The following ANKRD17 variants were observed in gnomAD, a reference collection of about 807,000 sequenced individuals.
ANKRD17 encodes the protein ankyrin repeat domain 17.
ANKRD17 carries 19 observed loss-of-function variants against 229.7 expected under a neutral mutation model. The ratio of observed to expected loss-of-function variants is 0.08; its 90% CI spans 0.06 to 0.12. The LOEUF is 0.12. ANKRD17 is among the 10% of genes least tolerant of loss of function. The pLI is 1.00. For missense variants in ANKRD17, 2,176 were observed against 3,176.8 expected, an observed-to-expected ratio of 0.68 and a Z score of 7.57; for synonymous variants, 1,112 against 1,146.1, an observed-to-expected ratio of 0.97 and a Z score of 0.60.
intron 1 of ANKRD17, 80 bp from the exon 2 acceptor site, chr4:73,177,613 G>T: frequency 9.1e-7 from 1 of 1,103,130 alleles, no homozygotes; most frequent in Non-Finnish European, 1.3e-6. Context: ...TAAAAAGAAA[G>T]CAGGGGAGGG....
intron 2 of ANKRD17, among the ~76,000 whole-genome samples, chr4:73,176,587 G>A (rs376683874): frequency 1.3e-5 from 2 of 151,824 alleles, no homozygotes; most frequent in Non-Finnish European, 2.9e-5. Flanking sequence ...GGGGCAGTGG[G>A]GATGGTTAAT....
chr4:73,216,467 A>G (rs1311617748), intron 1 of ANKRD17, among the ~76,000 whole-genome samples: 1 of 152,158 alleles, frequency 6.6e-6, no homozygotes, highest in Non-Finnish European at 1.5e-5. Context: ...TGACGCTCAA[A>G]TTTTCCTGTC....
intron 1 of ANKRD17, among the ~76,000 whole-genome samples, chr4:73,249,504 T>C (rs953618637): frequency 3.3e-5 from 5 of 152,274 alleles, no homozygotes; most frequent in African/African-American, 1.2e-4. Flanking sequence ...GTACACATTA[T>C]GATTTTCTCT....
At chr4:73,183,732 G>C (rs1301977755) in intron 1 of ANKRD17, among the ~76,000 whole-genome samples, 1 of 152,056 alleles carries the variant, frequency 6.6e-6, no homozygotes, top group Non-Finnish European at 1.5e-5. Flanking sequence ...CAAAAGTGCT[G>C]GGATTACAGG....
intron 24 of ANKRD17, among the ~76,000 whole-genome samples, chr4:73,103,323 G>T (rs1171515491): frequency 6.6e-6 from 1 of 152,028 alleles, no homozygotes; most frequent in Non-Finnish European, 1.5e-5. Context: ...ATAAATAAAA[G>T]GGTAACAGAG....
intron 1 of ANKRD17, among the ~76,000 whole-genome samples, chr4:73,229,198 G>A (rs946941910): frequency 2.0e-5 from 3 of 152,022 alleles, no homozygotes; most frequent in African/African-American, 7.3e-5. Flanking sequence ...CGAGTTAATG[G>A]GTGCAGCACA....
intron 1 of ANKRD17, among the ~76,000 whole-genome samples, chr4:73,258,029 T>A (rs901924092): frequency 8.2e-6 from 1 of 121,520 alleles, no homozygotes; most frequent in Non-Finnish European, 1.6e-5. Context: ...AAGTGAGCCA[T>A]CCCATGATAA....
chr4:73,122,005 G>A (rs941697998), intron 18 of ANKRD17, among the ~76,000 whole-genome samples: 1 of 151,990 alleles, frequency 6.6e-6, no homozygotes, highest in Non-Finnish European at 1.5e-5. Flanking sequence ...TGAAAGGTCT[G>A]GACTGAAAAT....
At chr4:73,194,003 T>C (rs891858061) in intron 1 of ANKRD17, among the ~76,000 whole-genome samples, 14 of 152,170 alleles carry the variant, frequency 9.2e-5, no homozygotes, top group African/African-American at 3.1e-4. Flanking sequence ...TCTTAATATA[T>C]ACCAAACAAG....
rs769849250 is a variant in ANKRD17, at chr4:73,121,108, T to C, written c.3636-14A>G. On this transcript the variant is annotated splice_polypyrimidine_tract_variant and intron_variant, in intron 19 of 33. Transcript: ENST00000358602. ...TTGCTACCAGTTCTAGGGGTGCAGG[T>C]ATGGGGAAAACAAATGGAAAAATAT... 6.2e-7 allele frequency: 1 copy of C among 1,604,216 alleles called. No homozygotes were observed. Among genetic ancestry groups the C allele is most frequent in the East Asian group, 2.2e-5 (1 of 44,802 alleles).
chr4:73,241,017 C>T (rs1189510003), intron 1 of ANKRD17, among the ~76,000 whole-genome samples: 1 of 151,732 alleles, frequency 6.6e-6, no homozygotes, highest in African/African-American at 2.4e-5. Context: ...CACCATGTTC[C>T]CCAGGCTGGT....
intron 1 of ANKRD17, among the ~76,000 whole-genome samples, chr4:73,194,360 T>G (rs1415461868): frequency 6.6e-6 from 1 of 152,234 alleles, no homozygotes; most frequent in Non-Finnish European, 1.5e-5. Context: ...GACTACATTT[T>G]CTCTATTGAA....
chr4:73,172,579 C>A (rs1051644138), intron 2 of ANKRD17, among the ~76,000 whole-genome samples: 1 of 152,090 alleles, frequency 6.6e-6, no homozygotes, highest in African/African-American at 2.4e-5. Flanking sequence ...ATTAACAAAT[C>A]AAAAATAATA....
chr4:73,231,989 T>C (rs1743092888), intron 1 of ANKRD17, among the ~76,000 whole-genome samples: 1 of 152,210 alleles, frequency 6.6e-6, no homozygotes, highest in Non-Finnish European at 1.5e-5. Flanking sequence ...CCTTACCCTA[T>C]GCATCTCTTC....
rs1473098925 is a variant in ANKRD17, at chr4:73,117,035, TAAC to T, written c.4189-1122_4189-1120del. 2.0e-5 allele frequency among the ~76,000 whole-genome samples: 3 copies of T among 152,140 alleles called. No homozygotes were observed. The East Asian group carries it at 5.8e-4, about 29-fold the overall frequency. Reference sequence around the variant, plus strand: ...ATACTAGAGTAATAACTAATAAAAATAACAACTCTAATAGTTAGAGTAATAACA... The same window carrying T: ...ATACTAGAGTAATAACTAATAAAAATAACTCTAATAGTTAGAGTAATAACA... On this transcript the variant is annotated intron_variant, in intron 22 of 33. Transcript: ENST00000358602.
At chr4:73,177,615 AGGGGAGGG>A in intron 1 of ANKRD17, 82 bp from the exon 2 acceptor site, 1 of 1,090,326 alleles carries the variant, frequency 9.2e-7, no homozygotes, top group Admixed American at 2.2e-5. Flanking sequence ...AAAAGAAAGC[AGGGGAGGG>A]AAAAAATATG....
chr4:73,144,598 C>G (rs1730015619), intron 11 of ANKRD17, 147 bp downstream of exon 11: 5 of 446,718 alleles, frequency 1.1e-5, no homozygotes, highest in Non-Finnish European at 2.0e-5. Context: ...GGATGTTTAT[C>G]AACTATCCAC....
At chr4:73,217,878 C>T (rs982149083) in intron 1 of ANKRD17, among the ~76,000 whole-genome samples, 13 of 152,066 alleles carry the variant, frequency 8.5e-5, no homozygotes, top group African/African-American at 2.4e-4. Flanking sequence ...TTTACATATA[C>T]GCAAATATTC....
At chr4:73,250,685 G>A (rs1744935774) in intron 1 of ANKRD17, among the ~76,000 whole-genome samples, 1 of 148,006 alleles carries the variant, frequency 6.8e-6, no homozygotes, top group Admixed American at 6.7e-5. Context: ...TACTGTAACG[G>A]TTTTTGTTGT....
Sources: allele counts gnomAD v4.1 joint callset (sites outside exome capture counted in the v4.1 genomes callset), GRCh38; gene constraint gnomAD v4.1.1; transcripts MANE v1.5; gene names NCBI Gene and HGNC (gene_info 2026-07-23, HGNC 2026-07-21).